Variants in PITPNC1 observed in about 807,000 individuals in gnomAD.
The protein encoded by PITPNC1 is cytoplasmic phosphatidylinositol transfer protein 1.
A neutral mutation model predicts 44.7 loss-of-function variants in PITPNC1; 18 were observed. The observed-to-expected ratio is 0.40, with a 90% CI of 0.28 to 0.60. PITPNC1 has a LOEUF of 0.60. Among genes scored for constraint, PITPNC1 ranks in the 20% least tolerant of loss-of-function variants. The pLI is 0.39. For missense variants in PITPNC1, 290 were observed against 418.4 expected (o/e 0.69, Z 2.68); for synonymous variants, 141 against 149.6 (o/e 0.94, Z 0.42).
chr17:67,607,397 T>C (rs1329706162), intron 5 of PITPNC1, among the ~76,000 whole-genome samples: 2 of 152,222 alleles, frequency 1.3e-5, no homozygotes, highest in Non-Finnish European at 2.9e-5. Flanking sequence ...CATGCAGTGC[T>C]GACTGCCCAT....
At chr17:67,625,960 G>C (rs1049034598) in intron 5 of PITPNC1, among the ~76,000 whole-genome samples, 3 of 150,714 alleles carry the variant, frequency 2.0e-5, no homozygotes, top group African/African-American at 7.3e-5. Context: ...TCTAGACTAA[G>C]TTGTGGTTTG....
intron 1 of PITPNC1, among the ~76,000 whole-genome samples, chr17:67,491,515 A>G (rs2039864658): frequency 6.6e-6 from 1 of 152,204 alleles, no homozygotes; most frequent in South Asian, 2.1e-4. Context: ...CACAGAGCAC[A>G]CGCACGCTGA....
intron 1 of PITPNC1, among the ~76,000 whole-genome samples, chr17:67,521,122 T>A (rs1376627186): frequency 1.4e-5 from 1 of 70,020 alleles, no homozygotes; most frequent in Non-Finnish European, 2.7e-5. Flanking sequence ...TGCACAGTTT[T>A]GCAGCAACAG....
intron 1 of PITPNC1, among the ~76,000 whole-genome samples, chr17:67,412,858 G>C (rs774443017): frequency 1.2e-4 from 19 of 152,164 alleles, no homozygotes; most frequent in Non-Finnish European, 2.4e-4. Flanking sequence ...GAGCCACCGC[G>C]CCCGGCCTTC....
chr17:67,581,482 C>T (rs1437149993), intron 5 of PITPNC1, among the ~76,000 whole-genome samples: 1 of 152,322 alleles, frequency 6.6e-6, no homozygotes, highest in South Asian at 2.1e-4. Context: ...TGGCACCCAA[C>T]TTGCCCAAGC....
chr17:67,440,913 C>A (rs1413550505), intron 1 of PITPNC1, among the ~76,000 whole-genome samples: 1 of 151,764 alleles, frequency 6.6e-6, no homozygotes, highest in African/African-American at 2.4e-5. Flanking sequence ...TTATGACACC[C>A]AATAAATACC....
intron 1 of PITPNC1, among the ~76,000 whole-genome samples, chr17:67,400,152 G>A (rs1175653032): frequency 2.0e-5 from 3 of 152,178 alleles, no homozygotes; most frequent in African/African-American, 7.2e-5. Flanking sequence ...AGTGCCATAG[G>A]TATTTTGGAG....
chr17:67,419,921 A>AT (rs1459598689), intron 1 of PITPNC1, among the ~76,000 whole-genome samples: 1 of 152,000 alleles, frequency 6.6e-6, no homozygotes, highest in Non-Finnish European at 1.5e-5. Context: ...TGTCTCAAAA[A>AT]AAAAAAGAGA....
rs2042828028 is a variant in PITPNC1 at position 67,687,010 on chromosome 17, C to G, written c.683-5562C>G. On this transcript the variant is annotated intron_variant, in intron 8 of 8. Coordinates refer to ENST00000581322, the MANE Select transcript of PITPNC1 (RefSeq NM_012417.4). ...AGCTACCATCTTTCCCTAAAGTGTC[C>G]CCATTGAAAGTTTGCATCTAATAAC... 4.3e-6 allele frequency: 4 copies of G among 940,332 alleles called. No homozygotes were observed. The South Asian group carries it at 5.3e-5, about 13-fold the overall frequency. 58.2% of individuals were successfully genotyped at this position (940,332 alleles called of 1,614,324 possible). A position where few individuals can be genotyped will look rare whatever the true frequency, so the allele number is the denominator to read the frequency against.
At chr17:67,495,041 T>TTTTTTTTTTG (rs2039928217) in intron 1 of PITPNC1, among the ~76,000 whole-genome samples, 1 of 57,708 alleles carries the variant, frequency 1.7e-5, no homozygotes. Context: ...CATGGAGTTG[T>TTTTTTTTTTG]TTTTTTTTTT....
rs2040821722 is a variant in PITPNC1, at chr17:67,555,367, CAT to C, written c.294+1755_294+1756del. On this transcript the variant is annotated intron_variant, in intron 4 of 8. Transcript: ENST00000581322. ...TAGTATGTAAACAAATTAGCATGGT[CAT>C]ATATGCCCAGGCAGCGGGTCAAATT... Among the ~76,000 whole-genome samples the C allele has an allele frequency of 2.0e-5, 3 of 152,148 alleles. No homozygotes were observed. In the South Asian group the frequency reaches 6.2e-4, roughly 32 times the overall value.
intron 1 of PITPNC1, among the ~76,000 whole-genome samples, chr17:67,444,906 G>A (rs1407337163): frequency 6.6e-6 from 1 of 151,850 alleles, no homozygotes; most frequent in Non-Finnish European, 1.5e-5. Flanking sequence ...CAAAAAAAAA[G>A]AAGGCAAGGT....
At chr17:67,399,142 G>A (rs1479660980) in intron 1 of PITPNC1, among the ~76,000 whole-genome samples, 2 of 151,390 alleles carry the variant, frequency 1.3e-5, no homozygotes, top group African/African-American at 4.9e-5. Flanking sequence ...AGCCTCCCGA[G>A]TAGCTGGGAT....
chr17:67,552,081 T>A (rs747586111), intron 2 of PITPNC1, among the ~76,000 whole-genome samples, 176 bp from the exon 3 acceptor site: 3 of 152,188 alleles, frequency 2.0e-5, no homozygotes, highest in Non-Finnish European at 4.4e-5. Context: ...CACTTGAATA[T>A]GCACGGGAAA....
In PITPNC1 at chr17:67,378,055, G is replaced by GCCGGGCT; in HGVS notation, c.-93_-87dup. Reference sequence around the variant, plus strand: ...GCTGCTTCGCCCTCCGGCTCCGAGCGCCGGGCTCCGGGCGCCCTGCCCTGC... The same window carrying GCCGGGCT: ...GCTGCTTCGCCCTCCGGCTCCGAGCGCCGGGCTCCGGGCTCCGGGCGCCCTGCCCTGC... On this transcript the variant is annotated 5_prime_UTR_variant, in exon 1 of 9. Coordinates refer to ENST00000581322, the MANE Select transcript of PITPNC1 (RefSeq NM_012417.4). 1 of 646,664 alleles carries GCCGGGCT rather than the reference G, an allele frequency of 1.5e-6. No homozygotes were observed. Among genetic ancestry groups the GCCGGGCT allele is most frequent in the Non-Finnish European group, 2.4e-6 (1 of 421,284 alleles). The allele number at this position is 646,664 out of a possible 1,614,324, so 40.1% of individuals were successfully genotyped here.
At chr17:67,636,225 G>A (rs1166070317) in intron 6 of PITPNC1, among the ~76,000 whole-genome samples, 1 of 149,364 alleles carries the variant, frequency 6.7e-6, no homozygotes, top group African/African-American at 2.5e-5. Flanking sequence ...TTGAACCCAG[G>A]AGGCCGAGAT....
At chr17:67,483,750 G>A (rs991183459) in intron 1 of PITPNC1, among the ~76,000 whole-genome samples, 3 of 152,112 alleles carry the variant, frequency 2.0e-5, no homozygotes, top group Non-Finnish European at 1.5e-5. Context: ...GCCCTGGGGG[G>A]ACTTGGTAAT....
intron 5 of PITPNC1, among the ~76,000 whole-genome samples, chr17:67,591,876 AT>A (rs573013337): frequency 0.016 from 2,247 of 139,794 alleles, 46 homozygotes; most frequent in African/African-American, 0.049. Context: ...TGCCCAGCTA[AT>A]TTTTTTTTTT....
intron 5 of PITPNC1, among the ~76,000 whole-genome samples, chr17:67,608,088 A>G (rs1311319824): frequency 6.6e-6 from 1 of 152,158 alleles, no homozygotes; most frequent in Admixed American, 6.5e-5. Context: ...TCCCTTACGT[A>G]ACCATCGTGC....
Sources: gnomAD v4.1 joint callset for allele counts (sites outside exome capture counted in the v4.1 genomes callset) on GRCh38, gnomAD v4.1.1 for gene constraint, MANE v1.5 for transcripts, NCBI Gene and HGNC (gene_info 2026-07-23, HGNC 2026-07-21) for gene names.